SEMA3D: variants seen among roughly 807,000 people sequenced by gnomAD.
The protein encoded by SEMA3D is semaphorin 3D, also known as semaphorin-3D.
SEMA3D carries 84 observed loss-of-function variants against 100.1 expected under a neutral mutation model. The observed-to-expected ratio is 0.84, with a 90% CI of 0.70 to 1.01. SEMA3D has a LOEUF of 1.01. Ranked by LOEUF, SEMA3D falls within the 50% of genes least tolerant of loss-of-function variation. SEMA3D has a pLI of 0.00. For synonymous variants in SEMA3D, 312 were observed against 320.7 expected, an observed-to-expected ratio of 0.97 and a Z score of 0.29; for missense variants, 875 against 934.1, an observed-to-expected ratio of 0.94 and a Z score of 0.82.
At chr7:85,111,073 T>C (rs1789079814) in intron 3 of SEMA3D, among the ~76,000 whole-genome samples, 1 of 152,066 alleles carries the variant, frequency 6.6e-6, no homozygotes, top group African/African-American at 2.4e-5. Context: ...GAACTCCTAA[T>C]TTTTCTCCTA....
the SEMA3D span, among the ~76,000 whole-genome samples, chr7:85,199,678 C>A: frequency 6.6e-6 from 1 of 152,128 alleles, no homozygotes. Context: ...AGATTATGAG[C>A]CAGTTTGAAA....
intron 11 of SEMA3D, among the ~76,000 whole-genome samples, chr7:85,040,052 C>T (rs1450819768): frequency 2.0e-5 from 3 of 147,660 alleles, no homozygotes; most frequent in African/African-American, 5.1e-5. Flanking sequence ...TCATGGCTCA[C>T]TGCAGCCTCT....
chr7:85,223,429 G>C, the SEMA3D span, among the ~76,000 whole-genome samples: 81 of 151,850 alleles, frequency 5.3e-4, no homozygotes, highest in Admixed American at 5.0e-3. Flanking sequence ...ACTTGTACAG[G>C]CATGTTTATA....
chr7:85,143,798 T>G (rs1401677045), intron 2 of SEMA3D, among the ~76,000 whole-genome samples: 1 of 151,736 alleles, frequency 6.6e-6, no homozygotes, highest in African/African-American at 2.4e-5. Context: ...CTTGGCTCAC[T>G]GCAATCTCTG....
the SEMA3D span, among the ~76,000 whole-genome samples, chr7:85,217,283 G>C: frequency 6.6e-6 from 1 of 151,942 alleles, no homozygotes; most frequent in Admixed American, 6.6e-5. Flanking sequence ...GCATATGCCT[G>C]TTTCCAAGCC....
intron 9 of SEMA3D, among the ~76,000 whole-genome samples, chr7:85,047,035 A>AAAGTATATGT: frequency 6.6e-6 from 1 of 152,058 alleles, no homozygotes; most frequent in East Asian, 1.9e-4. Context: ...AGTAACAAAG[A>AAAGTATATGT]AAGTATATGT....
intron 2 of SEMA3D, among the ~76,000 whole-genome samples, chr7:85,147,195 C>T (rs924952829): frequency 6.0e-5 from 9 of 148,806 alleles, no homozygotes; most frequent in African/African-American, 2.0e-4. Flanking sequence ...CTCTGCCTCC[C>T]GGGTTCAAGT....
At chr7:85,183,218 AC>A (rs1317423868) in intron 1 of SEMA3D, among the ~76,000 whole-genome samples, 1 of 152,112 alleles carries the variant, frequency 6.6e-6, no homozygotes, top group Non-Finnish European at 1.5e-5. Context: ...ATGCTTGCCA[AC>A]CCCCGAAGTT....
intron 6 of SEMA3D, among the ~76,000 whole-genome samples, chr7:85,069,149 G>A (rs1791705361): frequency 6.6e-6 from 1 of 152,092 alleles, no homozygotes; most frequent in Admixed American, 6.6e-5. Context: ...TTCTGTCTAG[G>A]TGATGTATCT....
the SEMA3D span, among the ~76,000 whole-genome samples, chr7:85,234,574 C>A: frequency 2.0e-5 from 3 of 152,192 alleles, no homozygotes; most frequent in African/African-American, 4.8e-5. Context: ...ACCTACAGAG[C>A]TTTTAAGCTC....
At chr7:85,111,798 T>C (rs1789104542) in intron 3 of SEMA3D, among the ~76,000 whole-genome samples, 1 of 152,074 alleles carries the variant, frequency 6.6e-6, no homozygotes. Flanking sequence ...ATTTAGTCAA[T>C]TTTCTTCTTT....
At chr7:85,112,742 G>A (rs1789127831) in intron 3 of SEMA3D, among the ~76,000 whole-genome samples, 1 of 152,164 alleles carries the variant, frequency 6.6e-6, no homozygotes, top group South Asian at 2.1e-4. Context: ...TCTGAATAGT[G>A]TACCTGGGCC....
At chr7:85,045,691 A>G (rs1790988099) in intron 9 of SEMA3D, among the ~76,000 whole-genome samples, 1 of 151,848 alleles carries the variant, frequency 6.6e-6, no homozygotes, top group Non-Finnish European at 1.5e-5. Context: ...GCTTTCTCCT[A>G]ATGTAACAAT....
At chr7:85,204,381 T>TA in the SEMA3D span, among the ~76,000 whole-genome samples, 793 of 150,422 alleles carry the variant, frequency 5.3e-3, 11 homozygotes, top group African/African-American at 0.018. Flanking sequence ...TGTTGCCACT[T>TA]AAAAATAGCC....
At chr7:85,202,034 C>A in the SEMA3D span, among the ~76,000 whole-genome samples, 11 of 151,326 alleles carry the variant, frequency 7.3e-5, no homozygotes, top group African/African-American at 2.2e-4. Flanking sequence ...CTCTCTCTCT[C>A]TTTTTATTTA....
At chr7:85,071,309 A>G (rs1296693818) in intron 6 of SEMA3D, among the ~76,000 whole-genome samples, 1 of 152,100 alleles carries the variant, frequency 6.6e-6, no homozygotes, top group Non-Finnish European at 1.5e-5. Flanking sequence ...CAGAAATTTA[A>G]CTGTCAGGGT....
intron 2 of SEMA3D, among the ~76,000 whole-genome samples, chr7:85,148,274 T>G (rs961586649): frequency 6.6e-6 from 1 of 152,190 alleles, no homozygotes; most frequent in African/African-American, 2.4e-5. Context: ...CTTGTTTTCC[T>G]TTTCACTTAC....
At chr7:85,049,743 C>T (rs981743791) in intron 9 of SEMA3D, among the ~76,000 whole-genome samples, 1 of 151,710 alleles carries the variant, frequency 6.6e-6, no homozygotes, top group Non-Finnish European at 1.5e-5. Context: ...AGTAATTGTC[C>T]AAATAGGACC....
chr7:85,149,039 C>T (rs528312150), intron 2 of SEMA3D, among the ~76,000 whole-genome samples: 2 of 151,958 alleles, frequency 1.3e-5, no homozygotes, highest in African/African-American at 4.8e-5. Flanking sequence ...AAACCATTTG[C>T]ACAATAAAAG....
Sources: gnomAD v4.1 joint callset for allele counts (sites outside exome capture counted in the v4.1 genomes callset) on GRCh38, gnomAD v4.1.1 for gene constraint, MANE v1.5 for transcripts, NCBI Gene and HGNC (gene_info 2026-07-23, HGNC 2026-07-21) for gene names.